Variants in NEB observed in about 807,000 individuals in gnomAD.
NEB encodes nebulin, also known as nemaline myopathy type 2.
Under a neutral mutation model 952.2 loss-of-function variants are expected in NEB, and 512 were observed. The ratio of observed to expected loss-of-function variants is 0.54; its 90% CI spans 0.50 to 0.58. The LOEUF is 0.58. Among genes scored for constraint, NEB ranks in the 20% least tolerant of loss-of-function variants. The pLI is 0.00. For missense variants in NEB, 8,428 were observed against 9,231.1 expected (o/e 0.91, Z 3.56); for synonymous variants, 2,900 against 3,149.8 (o/e 0.92, Z 2.66).
intron 55 of NEB, among the ~76,000 whole-genome samples, chr2:151,645,901 T>A (rs938187812): frequency 6.6e-6 from 1 of 152,184 alleles, no homozygotes; most frequent in African/African-American, 2.4e-5. Context: ...ATGATATGTA[T>A]AACAACGGAC....
rs2099118243 is a variant in NEB at position 151,659,108 on chromosome 2, G to A, written c.6032C>T (p.Pro2011Leu). Residue 2011 changes from proline (P) to leucine (L), a missense_variant, in exon 47 of 182, where the codon CCC becomes CTC. By Grantham distance (98) the Pro-to-Leu change is moderately conservative. This residue lies in a region of NEB where 2,851 missense variants were observed against 2,791.5 expected (regional missense o/e 1.02). Transcript: ENST00000397345. ...ATTTGCCTTTGCCAAAATAATCTGG[G>A]GGATATCAGGCATGATGTGGACTTT... ...KTKVHIMPDI[P>L]QIILAKANAI... 1 of 1,612,972 alleles carries A rather than the reference G, an allele frequency of 6.2e-7. No individual in the cohort carries two copies. Among genetic ancestry groups the A allele is most frequent in the Non-Finnish European group, 8.5e-7 (1 of 1,179,152 alleles).
rs1303850727 is a variant in NEB, at chr2:151,485,473, G to A, written c.*287C>T. On this transcript the variant is annotated 3_prime_UTR_variant, in exon 182 of 182. Transcript: ENST00000397345. Reference sequence around the variant, plus strand: ...ACATCTCTGCTATTTTTCCTTTAATGTGTTTGGCATATTCAAAATCCCTGT... The same window carrying A: ...ACATCTCTGCTATTTTTCCTTTAATATGTTTGGCATATTCAAAATCCCTGT... The A allele has an allele frequency of 7.7e-6, 2 of 261,412 alleles. No individual in the cohort carries two copies. The highest frequency in any genetic ancestry group is 4.4e-5 in the African/African-American group (2 of 45,390). The allele number at this position is 261,412 out of a possible 1,614,324, so 16.2% of individuals were successfully genotyped here. A position where few individuals can be genotyped will look rare whatever the true frequency, so the allele number is the denominator to read the frequency against.
intron 170 of NEB, 105 bp from the exon 171 acceptor site, chr2:151,497,823 T>G: frequency 1.3e-6 from 2 of 1,528,948 alleles, no homozygotes; most frequent in South Asian, 2.5e-5. Context: ...GAGCCAGAAG[T>G]TATATGCTGA....
At chr2:151,667,619 C>G (rs952750935) in intron 40 of NEB, among the ~76,000 whole-genome samples, 185 bp downstream of exon 40, 2 of 152,022 alleles carry the variant, frequency 1.3e-5, no homozygotes, top group Non-Finnish European at 2.9e-5. Flanking sequence ...CTTCAAACTC[C>G]TGGGTTAAAG....
Position 151,723,598 on chromosome 2 carries a change from C to A in NEB, c.613-112G>T, listed in dbSNP as rs2099780900. Reference sequence around the variant, plus strand: ...TAAAGAACCAAGGGCCAGGTGAGAGCAAAGGTAAATGAAATTCACAGATAA... The same window carrying A: ...TAAAGAACCAAGGGCCAGGTGAGAGAAAAGGTAAATGAAATTCACAGATAA... On this transcript the variant is annotated intron_variant, in intron 8 of 181. Transcript: ENST00000397345. 5.8e-6 allele frequency: 4 copies of A among 692,870 alleles called. No homozygotes were observed. In the Admixed American group the frequency reaches 1.1e-4, roughly 18 times the overall value. The allele number at this position is 692,870 out of a possible 1,614,324, so 42.9% of individuals were successfully genotyped here.
At position 151,540,799 on chromosome 2, in the gene NEB, A is replaced by T; in HGVS notation, c.20685T>A (p.Tyr6895Ter). ...AKRGQKLQSQ[Y>*]LYVELATKER... ...CTTTGGTGGCAAGTTCAACATACAGATACTGAATAATAGAAGAAAGTGAGG... is the reference window on the plus strand; with the variant it reads ...CTTTGGTGGCAAGTTCAACATACAGTTACTGAATAATAGAAGAAAGTGAGG... Residue 6895 changes from tyrosine to a stop codon, truncating the protein, a stop_gained and splice_region_variant, in exon 137 of 182, where the codon TAT (tyrosine) becomes TAA (stop). Coordinates refer to ENST00000397345, the MANE Select transcript of NEB (RefSeq NM_001164508.2). LOFTEE classifies it high-confidence loss of function. 6.2e-7 allele frequency: 1 copy of T among 1,608,450 alleles called. No individual in the cohort carries two copies. The highest frequency in any genetic ancestry group is 8.5e-7 in the Non-Finnish European group (1 of 1,175,066).
chr2:151,558,540 C>T (rs771166405), intron 124 of NEB, among the ~76,000 whole-genome samples: 9 of 151,994 alleles, frequency 5.9e-5, no homozygotes, highest in African/African-American at 7.2e-5. Context: ...CGCTATCTGA[C>T]TTCAAACTAT....
intron 156 of NEB, 63 bp downstream of exon 156, chr2:151,518,255 T>G (rs1236073932): frequency 8.3e-7 from 1 of 1,201,072 alleles, no homozygotes; most frequent in Admixed American, 1.7e-5. Flanking sequence ...CTATGAAATT[T>G]TTTTTCACAT....
At chr2:151,529,461 A>G in intron 145 of NEB, 147 bp from the exon 146 acceptor site, 1 of 641,140 alleles carries the variant, frequency 1.6e-6, no homozygotes, top group South Asian at 1.9e-5. Flanking sequence ...GAGCAAGGAT[A>G]CAGCCATGCA....
At chr2:151,550,246 GAC>G (rs1268526156) in intron 129 of NEB, among the ~76,000 whole-genome samples, 1 of 117,606 alleles carries the variant, frequency 8.5e-6, no homozygotes, top group East Asian at 2.5e-4. Flanking sequence ...CAGCCTGGGA[GAC>G]AGAGGAGACC....
At position 151,524,608 on chromosome 2, in the gene NEB, G is replaced by A. The variant is rs762546460; in HGVS notation, c.22281C>T (p.Tyr7427=). 2 of 1,425,238 alleles carry A rather than the reference G, an allele frequency of 1.4e-6. No homozygotes were observed. Among genetic ancestry groups the A allele is most frequent in the South Asian group, 2.3e-5 (2 of 87,720 alleles). The allele number at this position is 1,425,238 out of a possible 1,614,324, so 88.3% of individuals were successfully genotyped here. Residue 7427 remains tyrosine (Y), a synonymous_variant, in exon 152 of 182, where the codon TAC becomes TAT. Coordinates refer to ENST00000397345, the MANE Select transcript of NEB (RefSeq NM_001164508.2). ...EVAKKQSDVA[Y]RKDAKENLHY... is the part of the protein sequence containing the mutation. ...GCAGGTTCTCTTTGGCATCTTTTCT[G>A]TAAGCGACCTTTATTGGGGAAGAAA...
rs988987338 is a variant in NEB at position 151,694,433 on chromosome 2, T to G, written c.1786A>C (p.Met596Leu). 6.2e-7 allele frequency: 1 copy of G among 1,613,510 alleles called. No individual in the cohort carries two copies. The highest frequency in any genetic ancestry group is 1.3e-5 in the African/African-American group (1 of 74,894). ...TTTTTTTCATAGTCTTTCTTGTACATCACCTGCAAAGACATCACACATGCC... is the reference window on the plus strand; with the variant it reads ...TTTTTTTCATAGTCTTTCTTGTACAGCACCTGCAAAGACATCACACATGCC... ...KANTKNTSDV[M>L]YKKDYEKNKG... Residue 596 changes from methionine to leucine, a missense_variant, in exon 20 of 182, where the codon ATG (methionine) becomes CTG (leucine). Transcript: ENST00000397345.
At chr2:151,632,677 GAA>G (rs761404681) in intron 65 of NEB, among the ~76,000 whole-genome samples, 2 of 50,668 alleles carry the variant, frequency 3.9e-5, no homozygotes, top group Non-Finnish European at 4.1e-5. Flanking sequence ...CTCTGTCTCA[GAA>G]AAAAAAAAAA....
At chr2:151,660,433 A>C (rs1167063866) in intron 46 of NEB, among the ~76,000 whole-genome samples, 1 of 152,210 alleles carries the variant, frequency 6.6e-6, no homozygotes, top group African/African-American at 2.4e-5. Context: ...CTGAGTTTTA[A>C]ATTTTAACGA....
Position 151,560,690 on chromosome 2 carries a change from T to C in NEB, c.19216A>G (p.Lys6406Glu). ...LKNLYSSNLY[K>E]EAWDRVKATS... is the part of the protein sequence containing the mutation. ...GCTTTCACTCTATCCCAGGCCTCCT[T>C]GTACAGGTTCTGCAGGAATTAAAGA... Residue 6406 changes from lysine to glutamate, a missense_variant, in exon 124 of 182, where the codon AAG becomes GAG. By Grantham distance (56) the Lys-to-Glu change is moderately conservative (BLOSUM62 1). Around this residue, in one of 11 missense-constraint regions of NEB, gnomAD observed 3,374 missense variants for 3,651.5 expected, o/e 0.92. Coordinates refer to ENST00000397345, the MANE Select transcript of NEB (RefSeq NM_001164508.2). 3 of 1,610,142 alleles carry C rather than the reference T, an allele frequency of 1.9e-6. No individual in the cohort carries two copies. The highest frequency in any genetic ancestry group is 4.5e-5 in the East Asian group (2 of 44,746).
At chr2:151,540,482 T>G in intron 137 of NEB, 34 bp from the exon 138 acceptor site, 2 of 1,487,696 alleles carry the variant, frequency 1.3e-6, no homozygotes, top group Non-Finnish European at 1.8e-6. Context: ...GAGACAAGCT[T>G]AAGTGTCTTC....
rs2154179150 is a variant in NEB, at chr2:151,666,316, T to G, written c.4805A>C (p.Tyr1602Ser). The change falls in exon 41 of 182, where the codon TAC becomes TCC. Residue 1602 changes from tyrosine to serine, a missense_variant. Physicochemically the swap from Tyr to Ser is moderately radical, Grantham distance 144 (BLOSUM62 -2). This residue lies in a region of NEB where 2,851 missense variants were observed against 2,791.5 expected (regional missense o/e 1.02). Coordinates refer to ENST00000397345, the MANE Select transcript of NEB (RefSeq NM_001164508.2). ...AGACTGGATTTTGGCCACATTCATGTAGTGAACCAGTTTAGGATCATCCTG... is the reference window on the plus strand; with the variant it reads ...AGACTGGATTTTGGCCACATTCATGGAGTGAACCAGTTTAGGATCATCCTG... Reference protein sequence around the residue: ...SLQDDPKLVHYMNVAKIQSDR... With the variant: ...SLQDDPKLVHSMNVAKIQSDR... The G allele has an allele frequency of 6.2e-7, 1 of 1,613,940 alleles. No individual in the cohort carries two copies. Among genetic ancestry groups the G allele is most frequent in the East Asian group, 2.2e-5 (1 of 44,862 alleles).
intron 60 of NEB, among the ~76,000 whole-genome samples, chr2:151,642,363 T>C (rs2098880602): frequency 6.6e-6 from 1 of 152,252 alleles, no homozygotes; most frequent in African/African-American, 2.4e-5. Context: ...CGGACATGTT[T>C]TGAAATGCAT....
At chr2:151,502,387 TAA>T (rs34816284) in intron 167 of NEB, among the ~76,000 whole-genome samples, 178 of 145,472 alleles carry the variant, frequency 1.2e-3, no homozygotes, top group Non-Finnish European at 1.8e-3. Context: ...CATCTAAACA[TAA>T]AAAAAAAAAA....
Sources: gnomAD v4.1 joint callset for allele counts (sites outside exome capture counted in the v4.1 genomes callset) on GRCh38, gnomAD v4.1.1 for gene constraint, gnomAD v4.1.1 regional missense constraint, MANE v1.5 for transcripts, NCBI Gene and HGNC (gene_info 2026-07-23, HGNC 2026-07-21) for gene names.